SORCS2: variants seen among roughly 807,000 people sequenced by gnomAD.
SORCS2 encodes sortilin related VPS10 domain containing receptor 2, also known as VPS10 domain-containing receptor SorCS2.
A neutral mutation model predicts 141.6 loss-of-function variants in SORCS2; 100 were observed. That is an observed-to-expected ratio of 0.71 (90% CI 0.60 to 0.83). The LOEUF (loss-of-function observed/expected upper bound fraction) is 0.83, where lower values mean the gene tolerates loss of function less well. Ranked by LOEUF, SORCS2 falls within the 40% of genes least tolerant of loss-of-function variation. SORCS2 has a pLI of 0.00. For synonymous variants in SORCS2, 789 were observed against 676.9 expected (o/e 1.17, Z -2.57); for missense variants, 1,646 against 1,560.2 (o/e 1.05, Z -0.93).
At chr4:7,695,344 A>G (rs1434776496) in intron 11 of SORCS2, among the ~76,000 whole-genome samples, 8 of 39,140 alleles carry the variant, frequency 2.0e-4, no homozygotes, top group Non-Finnish European at 3.3e-4. Flanking sequence ...GGATGGATGG[A>G]TGGATTGGTG....
intron 1 of SORCS2, among the ~76,000 whole-genome samples, chr4:7,209,379 G>A (rs1727927854): frequency 1.3e-5 from 2 of 152,290 alleles, no homozygotes; most frequent in East Asian, 3.9e-4. Flanking sequence ...CCCATTCTGG[G>A]GTCTTGAGAT....
At chr4:7,366,410 G>C (rs530594163) in intron 1 of SORCS2, among the ~76,000 whole-genome samples, 79 of 151,690 alleles carry the variant, frequency 5.2e-4, no homozygotes, top group African/African-American at 1.9e-3. Flanking sequence ...CCCTGGCTCA[G>C]CACAGGAGGC....
At chr4:7,241,430 TCTC>T (rs981858965) in intron 1 of SORCS2, among the ~76,000 whole-genome samples, 2 of 152,124 alleles carry the variant, frequency 1.3e-5, no homozygotes, top group Non-Finnish European at 2.9e-5. Context: ...AGACCTCCTT[TCTC>T]CTCCTTTTCC....
At chr4:7,650,541 C>T (rs1452137027) in intron 4 of SORCS2, among the ~76,000 whole-genome samples, 1 of 152,162 alleles carries the variant, frequency 6.6e-6, no homozygotes, top group Non-Finnish European at 1.5e-5. Context: ...TGGAGCCAGG[C>T]CTGCCGGAGC....
intron 3 of SORCS2, among the ~76,000 whole-genome samples, chr4:7,636,325 C>G (rs1720253530): frequency 6.6e-6 from 1 of 152,240 alleles, no homozygotes; most frequent in Non-Finnish European, 1.5e-5. Flanking sequence ...CTCTGCGGCG[C>G]CCGGTGCCTG....
intron 2 of SORCS2, among the ~76,000 whole-genome samples, chr4:7,507,340 A>C (rs1437821444): frequency 1.3e-5 from 2 of 151,992 alleles, no homozygotes; most frequent in African/African-American, 4.8e-5. Flanking sequence ...ACGCCAGGCT[A>C]ATTTTTTGTA....
At chr4:7,649,489 C>T (rs951188434) in intron 4 of SORCS2, among the ~76,000 whole-genome samples, 11 of 151,958 alleles carry the variant, frequency 7.2e-5, no homozygotes, top group East Asian at 3.9e-4. Context: ...CAGGGGTCCA[C>T]GGAGATGGTG....
chr4:7,251,875 G>A (rs1029988083), intron 1 of SORCS2, among the ~76,000 whole-genome samples: 13 of 152,126 alleles, frequency 8.5e-5, no homozygotes, highest in African/African-American at 2.9e-4. Flanking sequence ...CATTGCATCC[G>A]GGACAGAATT....
intron 3 of SORCS2, among the ~76,000 whole-genome samples, chr4:7,576,269 C>T (rs548413043): frequency 6.6e-6 from 1 of 152,178 alleles, no homozygotes; most frequent in African/African-American, 2.4e-5. Context: ...CGTGGGTTGG[C>T]TGTGTAAAGT....
At chr4:7,391,466 A>C (rs1242557310) in intron 1 of SORCS2, among the ~76,000 whole-genome samples, 1 of 152,160 alleles carries the variant, frequency 6.6e-6, no homozygotes, top group Non-Finnish European at 1.5e-5. Flanking sequence ...AGCCCAGCAC[A>C]GGGCTTGGCA....
intron 3 of SORCS2, among the ~76,000 whole-genome samples, chr4:7,547,936 C>T (rs1245089430): frequency 2.0e-5 from 3 of 152,228 alleles, no homozygotes; most frequent in African/African-American, 7.2e-5. Flanking sequence ...TCTCAACATG[C>T]CACGGCCCAC....
chr4:7,498,450 C>T (rs1232479097), intron 2 of SORCS2, among the ~76,000 whole-genome samples: 2 of 152,322 alleles, frequency 1.3e-5, no homozygotes, highest in East Asian at 1.9e-4. Flanking sequence ...CACTGCTGGG[C>T]GACAACACCT....
intron 25 of SORCS2, 141 bp from the exon 26 acceptor site, chr4:7,736,928 T>C (rs1712226384): frequency 1.8e-6 from 2 of 1,092,116 alleles, no homozygotes; most frequent in Admixed American, 2.6e-5. Flanking sequence ...AGGCAAAACT[T>C]GGGGCTGGGG....
At chr4:7,377,599 C>G (rs917527321) in intron 1 of SORCS2, among the ~76,000 whole-genome samples, 1 of 152,174 alleles carries the variant, frequency 6.6e-6, no homozygotes, top group Non-Finnish European at 1.5e-5. Context: ...TTGTCTTTGT[C>G]AAGTTGATGG....
chr4:7,393,226 C>G (rs554768259), intron 1 of SORCS2, among the ~76,000 whole-genome samples: 2 of 152,216 alleles, frequency 1.3e-5, no homozygotes, highest in Admixed American at 6.5e-5. Flanking sequence ...CTGTGGGCTG[C>G]GGGCTCAGGC....
chr4:7,619,240 G>A (rs1718979811), intron 3 of SORCS2, among the ~76,000 whole-genome samples: 1 of 152,208 alleles, frequency 6.6e-6, no homozygotes, highest in Non-Finnish European at 1.5e-5. Context: ...GCCAGTGGCA[G>A]CGAATGATGG....
intron 3 of SORCS2, among the ~76,000 whole-genome samples, chr4:7,630,942 A>G (rs1302105470): frequency 6.6e-6 from 1 of 152,134 alleles, no homozygotes; most frequent in Non-Finnish European, 1.5e-5. Context: ...CATCCTCCCC[A>G]GGACAGAGAT....
At chr4:7,680,305 C>T (rs980106150) in intron 9 of SORCS2, among the ~76,000 whole-genome samples, 4 of 152,236 alleles carry the variant, frequency 2.6e-5, no homozygotes, top group African/African-American at 9.6e-5. Flanking sequence ...GCACGTGCCC[C>T]ACCCTCTCCC....
chr4:7,317,339 CTA>C (rs966228477), intron 1 of SORCS2, among the ~76,000 whole-genome samples: 1 of 152,210 alleles, frequency 6.6e-6, no homozygotes, highest in Non-Finnish European at 1.5e-5. Context: ...GGGCCTGGGC[CTA>C]TGTGTAAGGC....
Sources: allele counts gnomAD v4.1 joint callset (sites outside exome capture counted in the v4.1 genomes callset), GRCh38; gene constraint gnomAD v4.1.1; transcripts MANE v1.5; gene names NCBI Gene and HGNC (gene_info 2026-07-23, HGNC 2026-07-21).